THSD4: variants seen among roughly 807,000 people sequenced by gnomAD.
THSD4 encodes the protein thrombospondin type 1 domain containing 4.
In THSD4, 69 loss-of-function variants were observed where a neutral mutation model predicts 119.0. That is an observed-to-expected ratio of 0.58 (90% CI 0.48 to 0.71). The LOEUF (loss-of-function observed/expected upper bound fraction) is 0.71, where lower values mean the gene tolerates loss of function less well. Among genes scored for constraint, THSD4 ranks in the 30% least tolerant of loss-of-function variants. THSD4 has a pLI of 0.00. For missense variants in THSD4, 1,393 were observed against 1,391.1 expected, an observed-to-expected ratio of 1.00 and a Z score of -0.02; for synonymous variants, 524 against 540.4, an observed-to-expected ratio of 0.97 and a Z score of 0.42.
At chr15:71,284,586 G>A (rs1389343294) in intron 6 of THSD4, among the ~76,000 whole-genome samples, 1 of 152,064 alleles carries the variant, frequency 6.6e-6, no homozygotes, top group Non-Finnish European at 1.5e-5. Context: ...TCTTTATTTT[G>A]ACCCATGTAA....
At chr15:71,561,642 A>C (rs56369738) in intron 7 of THSD4, among the ~76,000 whole-genome samples, 32,990 of 152,074 alleles carry the variant, frequency 0.22, 4,094 homozygotes, top group South Asian at 0.31. Flanking sequence ...TCCTTAACCA[A>C]ATCTGATGAC....
At chr15:71,368,366 A>G (rs2045996412) in intron 6 of THSD4, among the ~76,000 whole-genome samples, 1 of 152,198 alleles carries the variant, frequency 6.6e-6, no homozygotes, top group East Asian at 1.9e-4. Context: ...GCCCATGCCT[A>G]TGTCCTGAAT....
At chr15:71,434,461 TTA>T (rs1491159993) in intron 7 of THSD4, among the ~76,000 whole-genome samples, 50 of 74,346 alleles carry the variant, frequency 6.7e-4, no homozygotes, top group Middle Eastern at 5.6e-3. Context: ...TTTTTTTTTT[TTA>T]ATTTCTGAAG....
chr15:71,681,069 C>T (rs1233230918), intron 8 of THSD4, among the ~76,000 whole-genome samples: 1 of 151,908 alleles, frequency 6.6e-6, no homozygotes, highest in Non-Finnish European at 1.5e-5. Context: ...AGGCATGTGC[C>T]ACCATGCCCA....
At chr15:71,292,407 C>T (rs377145922) in intron 6 of THSD4, among the ~76,000 whole-genome samples, 2 of 152,152 alleles carry the variant, frequency 1.3e-5, no homozygotes, top group South Asian at 2.1e-4. Context: ...TGTATATTCT[C>T]TGTTCTTTAT....
intron 16 of THSD4, chr15:71,766,683 G>A (rs1446008899): frequency 6.6e-6 from 1 of 152,074 alleles, no homozygotes; most frequent in Non-Finnish European, 1.5e-5. Context: ...GTTTTCTTTT[G>A]TCATCTGATT....
At chr15:71,423,210 CA>C (rs2046830227) in intron 7 of THSD4, among the ~76,000 whole-genome samples, 1 of 152,160 alleles carries the variant, frequency 6.6e-6, no homozygotes, top group Non-Finnish European at 1.5e-5. Context: ...ATCTAAGCTA[CA>C]AGACAAAGTC....
At chr15:71,457,755 G>C (rs552831621) in intron 7 of THSD4, among the ~76,000 whole-genome samples, 5 of 152,218 alleles carry the variant, frequency 3.3e-5, no homozygotes, top group African/African-American at 9.6e-5. Flanking sequence ...CACCACCACT[G>C]TACTCTACCC....
rs1410289830 is a variant in THSD4, at chr15:71,384,359, C to T, written c.1016-27328C>T. Among the ~76,000 whole-genome samples, 5 of 151,648 alleles carry T rather than the reference C, an allele frequency of 3.3e-5. No individual in the cohort carries two copies. The South Asian group carries it at 6.2e-4, about 19-fold the overall frequency. On this transcript the variant is annotated intron_variant, in intron 6 of 17. Coordinates refer to ENST00000261862, the MANE Select transcript of THSD4 (RefSeq NM_024817.3). Reference sequence around the variant, plus strand: ...CGCCACTGCACTCCAGCCTGGGCAACGGTACAGAGCAAGACTCCGTCTCAA... The same window carrying T: ...CGCCACTGCACTCCAGCCTGGGCAATGGTACAGAGCAAGACTCCGTCTCAA...
At chr15:71,370,727 C>T (rs1443536481) in intron 6 of THSD4, among the ~76,000 whole-genome samples, 1 of 152,102 alleles carries the variant, frequency 6.6e-6, no homozygotes, top group Non-Finnish European at 1.5e-5. Context: ...AGAATAAGTG[C>T]AATGTGGTGC....
chr15:71,441,941 T>C (rs2047100799), intron 7 of THSD4, among the ~76,000 whole-genome samples: 1 of 152,034 alleles, frequency 6.6e-6, no homozygotes, highest in South Asian at 2.1e-4. Context: ...GTAGCCCTTG[T>C]TGCTATCTTT....
chr15:71,184,852 C>T (rs904513757), intron 3 of THSD4, among the ~76,000 whole-genome samples: 4 of 151,716 alleles, frequency 2.6e-5, no homozygotes, highest in Admixed American at 6.6e-5. Context: ...GAAGTAGTTT[C>T]GTTTTGTTGT....
chr15:71,372,435 G>A (rs1036963743), intron 6 of THSD4, among the ~76,000 whole-genome samples: 4 of 152,300 alleles, frequency 2.6e-5, no homozygotes, highest in South Asian at 2.1e-4. Flanking sequence ...CTTTGATGAT[G>A]GTGACGTACA....
chr15:71,554,056 G>GTTTTGT (rs1264628637), intron 7 of THSD4, among the ~76,000 whole-genome samples: 4 of 148,264 alleles, frequency 2.7e-5, no homozygotes, highest in Non-Finnish European at 4.5e-5. Context: ...CTTTGAAACA[G>GTTTTGT]TTTTGTTTTG....
intron 3 of THSD4, among the ~76,000 whole-genome samples, chr15:71,189,956 C>T (rs1295366289): frequency 1.3e-5 from 2 of 152,150 alleles, no homozygotes; most frequent in Non-Finnish European, 2.9e-5. Context: ...ATCCCGCCCA[C>T]GCACTGCTGG....
At chr15:71,665,616 T>C (rs1393927011) in intron 8 of THSD4, among the ~76,000 whole-genome samples, 2 of 152,130 alleles carry the variant, frequency 1.3e-5, no homozygotes, top group African/African-American at 4.8e-5. Flanking sequence ...TCCTCTAGGG[T>C]TTTATAGTTT....
chr15:71,487,615 A>G (rs1057400850), intron 7 of THSD4, among the ~76,000 whole-genome samples: 27 of 152,214 alleles, frequency 1.8e-4, no homozygotes, highest in Non-Finnish European at 8.8e-5. Context: ...AGAATCTTTC[A>G]TGTAGATATT....
chr15:71,717,492 C>A (rs139404399), intron 8 of THSD4, among the ~76,000 whole-genome samples: 77 of 151,760 alleles, frequency 5.1e-4, no homozygotes, highest in African/African-American at 1.5e-3. Flanking sequence ...GACAGGTGGA[C>A]CTTATACAAC....
At chr15:71,313,459 TG>T (rs2045140603) in intron 6 of THSD4, among the ~76,000 whole-genome samples, 2 of 152,138 alleles carry the variant, frequency 1.3e-5, no homozygotes, top group South Asian at 2.1e-4. Context: ...ATTTTTATTT[TG>T]GGGGAATAAC....
Sources: gnomAD v4.1 joint callset for allele counts (sites outside exome capture counted in the v4.1 genomes callset) on GRCh38, gnomAD v4.1.1 for gene constraint, MANE v1.5 for transcripts, NCBI Gene and HGNC (gene_info 2026-07-23, HGNC 2026-07-21) for gene names.